FAM234A: variants seen among roughly 807,000 people sequenced by gnomAD.
FAM234A encodes protein FAM234A.
A neutral mutation model predicts 49.1 loss-of-function variants in FAM234A; 42 were observed. The observed-to-expected ratio is 0.86, with a 90% CI of 0.67 to 1.11. The LOEUF (loss-of-function observed/expected upper bound fraction) is 1.11. Among genes scored for constraint, FAM234A ranks in the 50% least tolerant of loss-of-function variants. The pLI is 0.00. For missense variants in FAM234A, 815 were observed against 745.2 expected, an observed-to-expected ratio of 1.09 and a Z score of -1.09; for synonymous variants, 369 against 316.2, an observed-to-expected ratio of 1.17 and a Z score of -1.77.
downstream of FAM234A, chr16:268,412 G>A (rs1469835724): frequency 5.9e-6 from 2 of 338,602 alleles, no homozygotes. Flanking sequence ...CCGCCCTACC[G>A]CCGAGAGAGT....
At chr16:249,479 C>G (rs2050921770) in intron 1 of FAM234A, 70 bp from the exon 2 acceptor site, 1 of 152,012 alleles carries the variant, frequency 6.6e-6, no homozygotes, top group Non-Finnish European at 1.5e-5. Flanking sequence ...TTGGGAGGAT[C>G]TAAGTTCCTG....
At chr16:263,506 G>A in intron 9 of FAM234A, 104 bp downstream of exon 9, 1 of 1,493,136 alleles carries the variant, frequency 6.7e-7, no homozygotes. Flanking sequence ...TGGGGCCGGA[G>A]GCCGTGTGCT....
chr16:259,687 G>C (rs2051379149), intron 4 of FAM234A, 88 bp downstream of exon 4: 4 of 865,782 alleles, frequency 4.6e-6, no homozygotes, highest in African/African-American at 1.7e-5. Context: ...CAGTGTTTGG[G>C]GGAAGCAGAT....
At position 264,094 on chromosome 16, in the gene FAM234A, G is replaced by A. The variant is rs754362951; in HGVS notation, c.1267G>A (p.Ala423Thr). Residue 423 changes from alanine (A) to threonine (T), a missense_variant, in exon 11 of 13, where the codon GCC becomes ACC. Physicochemically the swap from Ala to Thr is moderately conservative, Grantham distance 58. Coordinates refer to ENST00000399932, the MANE Select transcript of FAM234A (RefSeq NM_032039.4). ...GAGCCTCCCTGGGGGTCCACTGTCC[G>A]CCAGCCTGCCGACCGCAGACCACCG... Reference protein sequence around the residue: ...LPSLPGGPLSASLPTADHRSA... With the variant: ...LPSLPGGPLSTSLPTADHRSA... 6.0e-5 allele frequency: 96 copies of A among 1,611,812 alleles called. No individual in the cohort carries two copies. The South Asian group carries it at 6.4e-4, about 11-fold the overall frequency.
In FAM234A at chr16:263,681, T is replaced by A. The variant is rs769418862; in HGVS notation, c.1113-19T>A. The A allele has an allele frequency of 6.2e-7, 1 of 1,602,980 alleles. No individual in the cohort carries two copies. The highest frequency in any genetic ancestry group is 1.7e-5 in the Admixed American group (1 of 60,020). ...CCTCACTGAGACCCCTCGTGAGCGCTTCCTCCATATTGTTCCAGAAAACCC... is the reference window on the plus strand; with the variant it reads ...CCTCACTGAGACCCCTCGTGAGCGCATCCTCCATATTGTTCCAGAAAACCC... On this transcript the variant is annotated intron_variant, in intron 9 of 12. Coordinates refer to ENST00000399932, the MANE Select transcript of FAM234A (RefSeq NM_032039.4).
intron 9 of FAM234A, 35 bp from the exon 10 acceptor site, chr16:263,665 G>A: frequency 6.5e-7 from 1 of 1,545,284 alleles, no homozygotes; most frequent in Non-Finnish European, 8.9e-7. Flanking sequence ...TCCTCACTGA[G>A]ACCCCTCGTG....
intron 1 of FAM234A, among the ~76,000 whole-genome samples, chr16:244,252 G>A (rs567813199): frequency 9.2e-5 from 14 of 152,340 alleles, no homozygotes; most frequent in African/African-American, 3.4e-4. Context: ...ACAGGCGTGA[G>A]CCACCGCGCC....
chr16:260,113 T>A lies in FAM234A; in HGVS notation c.530T>A (p.Ile177Asn). The change falls in exon 5 of 13, where the codon ATC becomes AAC. Residue 177 changes from isoleucine to asparagine, a missense_variant. Physicochemically the swap from Ile to Asn is moderately radical, Grantham distance 149. Coordinates refer to ENST00000399932, the MANE Select transcript of FAM234A (RefSeq NM_032039.4). ...PRGSEAPSAC[I>N]LVGRPSSFIA... ...GGCAGTGAGGCACCTTCTGCCTGCA[T>A]CCTGGTGGGCAGACCCAGTTCTTTC... 1 of 1,613,914 alleles carries A rather than the reference T, an allele frequency of 6.2e-7. No individual in the cohort carries two copies. The highest frequency in any genetic ancestry group is 8.5e-7 in the Non-Finnish European group (1 of 1,180,014).
intron 3 of FAM234A, among the ~76,000 whole-genome samples, chr16:255,183 T>C (rs2051182527): frequency 6.6e-6 from 1 of 151,598 alleles, no homozygotes; most frequent in South Asian, 2.1e-4. Context: ...AAAGATGGGG[T>C]TTTACCATGT....
At chr16:241,412 A>C (rs1266720773) in intron 1 of FAM234A, among the ~76,000 whole-genome samples, 1 of 152,044 alleles carries the variant, frequency 6.6e-6, no homozygotes, top group Non-Finnish European at 1.5e-5. Context: ...TGAGGCTCTC[A>C]TTTCTACAAA....
At chr16:262,759 G>A (rs948435194) in intron 8 of FAM234A, among the ~76,000 whole-genome samples, 4 of 151,708 alleles carry the variant, frequency 2.6e-5, no homozygotes, top group Non-Finnish European at 4.4e-5. Context: ...TCCCGACGCT[G>A]TGCCTGTCTG....
intron 2 of FAM234A, among the ~76,000 whole-genome samples, chr16:250,718 C>A (rs1255777178): frequency 6.6e-6 from 1 of 152,106 alleles, no homozygotes; most frequent in South Asian, 2.1e-4. Flanking sequence ...CAGTCATTCC[C>A]GACTCTCCCT....
rs1039199567 is a variant in FAM234A at position 254,452 on chromosome 16, C to T, written c.39C>T (p.Pro13=). ...AGGACTTAGAGGCCGAAATCCACCC[C>T]TTGAAAAATGAAGAAAGAAAATCGC... ...DHKDLEAEIH[P]LKNEERKSQE... The change falls in exon 3 of 13, where the codon CCC becomes CCT. Residue 13 remains proline (P), a synonymous_variant. Coordinates refer to ENST00000399932, the MANE Select transcript of FAM234A (RefSeq NM_032039.4). 2.5e-6 allele frequency: 4 copies of T among 1,614,170 alleles called. No individual in the cohort carries two copies. The highest frequency in any genetic ancestry group is 1.1e-5 in the South Asian group (1 of 91,082).
chr16:241,275 G>A (rs867811139), intron 1 of FAM234A, among the ~76,000 whole-genome samples: 12 of 147,280 alleles, frequency 8.1e-5, no homozygotes, highest in African/African-American at 1.5e-4. Context: ...CAAAAAGAAA[G>A]AAAAAAAAAA....
In FAM234A at chr16:260,029, G is replaced by C. The variant is rs2051395956; in HGVS notation, c.446G>C (p.Trp149Ser). ...TCGGGGGCCAACGGCAGCACGCTCT[G>C]GGAGAGACCTGTGGCCCAAGACGTG... ...AVSGANGSTL[W>S]ERPVAQDVAL... is the part of the protein sequence containing the mutation. Residue 149 changes from tryptophan to serine, a missense_variant, in exon 5 of 13, where the codon TGG becomes TCG. Transcript: ENST00000399932. The C allele has an allele frequency of 6.2e-7, 1 of 1,613,546 alleles. No homozygotes were observed. Among genetic ancestry groups the C allele is most frequent in the Admixed American group, 1.7e-5 (1 of 60,014 alleles).
At position 260,014 on chromosome 16, in the gene FAM234A, A is replaced by G. The variant is rs748544715; in HGVS notation, c.431A>G (p.Asn144Ser). 2.4e-5 allele frequency: 38 copies of G among 1,609,724 alleles called. No individual in the cohort carries two copies. Among genetic ancestry groups the G allele is most frequent in the Middle Eastern group, 1.7e-4 (1 of 5,910 alleles). The stretch of plus-strand genomic sequence containing the variant: ...TTTGCAGCTGCTGTGTCGGGGGCCA[A>G]CGGCAGCACGCTCTGGGAGAGACCT... ...CTFAAAVSGANGSTLWERPVA... is the reference protein window; with the variant it reads ...CTFAAAVSGASGSTLWERPVA... The change falls in exon 5 of 13, where the codon AAC becomes AGC. Residue 144 changes from asparagine (N) to serine (S), a missense_variant. By Grantham distance (46) the Asn-to-Ser change is conservative (BLOSUM62 1). Transcript: ENST00000399932.
intron 1 of FAM234A, among the ~76,000 whole-genome samples, chr16:244,404 A>G (rs2050731385): frequency 6.6e-6 from 1 of 152,186 alleles, no homozygotes; most frequent in Non-Finnish European, 1.5e-5. Context: ...ATATTCTTCC[A>G]AAAATAAACA....
chr16:265,362 T>A lies in FAM234A; in HGVS notation c.*340T>A. 1.9e-6 allele frequency: 2 copies of A among 1,078,014 alleles called. No homozygotes were observed. The highest frequency in any genetic ancestry group is 2.2e-6 in the Non-Finnish European group (2 of 889,076). 66.8% of individuals were successfully genotyped at this position (1,078,014 alleles called of 1,614,324 possible). Reference sequence around the variant, plus strand: ...GCTGGGTCATGCAGCACCCCATCCTTACCCGGTGCCCTCTCCTTGCCAGCT... The same window carrying A: ...GCTGGGTCATGCAGCACCCCATCCTAACCCGGTGCCCTCTCCTTGCCAGCT... On this transcript the variant is annotated 3_prime_UTR_variant, in exon 13 of 13. Transcript: ENST00000399932.
At chr16:237,530 A>T (rs1162797459) in intron 1 of FAM234A, among the ~76,000 whole-genome samples, 1 of 151,958 alleles carries the variant, frequency 6.6e-6, no homozygotes, top group African/African-American at 2.4e-5. Context: ...AAGATGGCTC[A>T]CTCACAAGGC....
Sources: gnomAD v4.1 joint callset for allele counts (sites outside exome capture counted in the v4.1 genomes callset) on GRCh38, gnomAD v4.1.1 for gene constraint, MANE v1.5 for transcripts, NCBI Gene and HGNC (gene_info 2026-07-23, HGNC 2026-07-21) for gene names.